SEC24D: variants seen among roughly 807,000 people sequenced by gnomAD.
SEC24D encodes protein transport protein Sec24D.
SEC24D carries 69 observed loss-of-function variants against 116.9 expected under a neutral mutation model. The ratio of observed to expected loss-of-function variants is 0.59; its 90% CI spans 0.49 to 0.72. The LOEUF (loss-of-function observed/expected upper bound fraction) is 0.72. SEC24D is among the 30% of genes least tolerant of loss of function. The pLI is 0.00. For synonymous variants in SEC24D, 405 were observed against 442.8 expected (o/e 0.91, Z 1.07); for missense variants, 1,131 against 1,264.1 (o/e 0.89, Z 1.60).
At chr4:118,736,475 T>G in intron 19 of SEC24D, 1 of 222,534 alleles carries the variant, frequency 4.5e-6, no homozygotes, top group South Asian at 5.5e-5. Context: ...TTGATGGTCT[T>G]GCTTGGGTCA....
At chr4:118,732,614 A>G (rs949754547) in intron 20 of SEC24D, 119 bp downstream of exon 20, 4 of 966,260 alleles carry the variant, frequency 4.1e-6, no homozygotes, top group Non-Finnish European at 3.1e-6. Flanking sequence ...TTTTGAAGGC[A>G]TTTGTGACTT....
chr4:118,764,936 GA>G lies in SEC24D; in HGVS notation c.1181-20del. The G allele has an allele frequency of 7.5e-7, 1 of 1,330,534 alleles. No homozygotes were observed. Among genetic ancestry groups the G allele is most frequent in the Non-Finnish European group, 1.1e-6 (1 of 928,912 alleles). The allele number at this position is 1,330,534 out of a possible 1,614,324, so 82.4% of individuals were successfully genotyped here. ...GGTGGAACTAATAAAAACAAAATAG[GA>G]AAGAAAATATTTTGTTTTCATAAAC... On this transcript the variant is annotated intron_variant, in intron 9 of 22. Coordinates refer to ENST00000280551, the MANE Select transcript of SEC24D (RefSeq NM_014822.4).
At chr4:118,759,320 C>T (rs1259739101) in intron 10 of SEC24D, among the ~76,000 whole-genome samples, 2 of 152,152 alleles carry the variant, frequency 1.3e-5, no homozygotes, top group Non-Finnish European at 2.9e-5. Flanking sequence ...ATTGTTTTCA[C>T]TTTCAGAATG....
chr4:118,833,767 C>A, intron 1 of SEC24D, 30 bp from the exon 2 acceptor site: 1 of 1,052,694 alleles, frequency 9.5e-7, no homozygotes, highest in Non-Finnish European at 1.4e-6. Context: ...AACATGTTAC[C>A]AAGACAGTTT....
intron 8 of SEC24D, among the ~76,000 whole-genome samples, chr4:118,793,636 C>G (rs1729048194): frequency 6.6e-6 from 1 of 152,146 alleles, no homozygotes; most frequent in African/African-American, 2.4e-5. Flanking sequence ...GGGCACATGC[C>G]CCTGAGGAAC....
At chr4:118,798,042 A>G (rs1729258946) in intron 7 of SEC24D, among the ~76,000 whole-genome samples, 1 of 152,246 alleles carries the variant, frequency 6.6e-6, no homozygotes, top group African/African-American at 2.4e-5. Flanking sequence ...TACTGCAAAG[A>G]TATAAAAGAA....
In SEC24D at chr4:118,761,669, G is replaced by A. The variant is rs186255611; in HGVS notation, c.1296+3133C>T. On this transcript the variant is annotated intron_variant, in intron 10 of 22. Coordinates refer to ENST00000280551, the MANE Select transcript of SEC24D (RefSeq NM_014822.4). ...TATTTGAATTTGAATATGTTTTGAG[G>A]GAAGGGGGAATATACTCTCTAATTA... 2.3e-3 allele frequency among the ~76,000 whole-genome samples: 352 copies of A among 152,320 alleles called. 2 individuals carry two copies. The highest frequency in any genetic ancestry group is 7.9e-3 in the African/African-American group (329 of 41,576).
intron 22 of SEC24D, among the ~76,000 whole-genome samples, chr4:118,726,758 G>T (rs918237320): frequency 6.6e-6 from 1 of 151,598 alleles, no homozygotes; most frequent in Non-Finnish European, 1.5e-5. Flanking sequence ...GTCATCTGTA[G>T]ATATACTGTG....
At chr4:118,768,847 T>A (rs1259305447) in intron 8 of SEC24D, among the ~76,000 whole-genome samples, 1 of 152,242 alleles carries the variant, frequency 6.6e-6, no homozygotes, top group Non-Finnish European at 1.5e-5. Flanking sequence ...TATATCAATA[T>A]ATGTATATTT....
chr4:118,801,633 C>T (rs1415147985), intron 7 of SEC24D, among the ~76,000 whole-genome samples: 2 of 152,080 alleles, frequency 1.3e-5, no homozygotes, highest in Non-Finnish European at 2.9e-5. Flanking sequence ...TTCCATTGCA[C>T]TCAATTATAC....
At chr4:118,800,694 C>T (rs545363775) in intron 7 of SEC24D, among the ~76,000 whole-genome samples, 1 of 152,270 alleles carries the variant, frequency 6.6e-6, no homozygotes, top group South Asian at 2.1e-4. Context: ...CATTCTAAGA[C>T]TGTTACGTGT....
chr4:118,790,809 T>C (rs1034470236), intron 8 of SEC24D, among the ~76,000 whole-genome samples: 3 of 150,836 alleles, frequency 2.0e-5, no homozygotes, highest in Non-Finnish European at 4.4e-5. Flanking sequence ...AAAAACACTG[T>C]ACTAAATAAA....
chr4:118,829,508 T>A (rs1172893785), intron 2 of SEC24D, among the ~76,000 whole-genome samples: 2 of 151,280 alleles, frequency 1.3e-5, no homozygotes, highest in Non-Finnish European at 3.0e-5. Flanking sequence ...CAAGACCTTG[T>A]CTCTTTAAAA....
intron 15 of SEC24D, among the ~76,000 whole-genome samples, 156 bp from the exon 16 acceptor site, chr4:118,741,193 T>C (rs1726209911): frequency 6.6e-6 from 1 of 152,210 alleles, no homozygotes; most frequent in African/African-American, 2.4e-5. Flanking sequence ...AAAGAAAATA[T>C]AGCATTTTTG....
intron 3 of SEC24D, among the ~76,000 whole-genome samples, chr4:118,819,094 G>A (rs1252218517): frequency 1.3e-5 from 2 of 152,010 alleles, no homozygotes; most frequent in Non-Finnish European, 2.9e-5. Context: ...TATAATTCTA[G>A]TCCTGCATGA....
chr4:118,723,634 C>G lies in SEC24D; in HGVS notation c.2980G>C (p.Glu994Gln). The G allele has an allele frequency of 6.2e-7, 1 of 1,612,430 alleles. No homozygotes were observed. The highest frequency in any genetic ancestry group is 1.1e-5 in the South Asian group (1 of 90,470). Residue 994 changes from glutamate to glutamine, a missense_variant, in exon 23 of 23, where the codon GAA (glutamate) becomes CAA (glutamine). By Grantham distance (29) the Glu-to-Gln change is conservative. Coordinates refer to ENST00000280551, the MANE Select transcript of SEC24D (RefSeq NM_014822.4). ...TGTCGGAAAACCATTTCTGGTTGTT[C>G]TCGCTGCTTTACAATTGTGAGCTAG... ...SMKLTIVKQR[E>Q]QPEMVFRQFL...
chr4:118,749,689 C>T (rs542398293), intron 13 of SEC24D, among the ~76,000 whole-genome samples: 7 of 152,252 alleles, frequency 4.6e-5, no homozygotes, highest in East Asian at 1.9e-4. Flanking sequence ...ATATAACCAA[C>T]GAACATTATG....
intron 8 of SEC24D, among the ~76,000 whole-genome samples, chr4:118,790,482 A>G (rs984249926): frequency 8.5e-5 from 13 of 152,234 alleles, no homozygotes; most frequent in Admixed American, 8.5e-4. Flanking sequence ...ATTAAAACAC[A>G]GTTTACTAAA....
chr4:118,741,179 G>T, intron 15 of SEC24D, 142 bp from the exon 16 acceptor site: 4 of 464,436 alleles, frequency 8.6e-6, no homozygotes, highest in South Asian at 5.3e-5. Flanking sequence ...ATGCTTCTTT[G>T]GTTAAAGAAA....
Sources: gnomAD v4.1 joint callset for allele counts (sites outside exome capture counted in the v4.1 genomes callset) on GRCh38, gnomAD v4.1.1 for gene constraint, MANE v1.5 for transcripts, NCBI Gene and HGNC (gene_info 2026-07-23, HGNC 2026-07-21) for gene names.